The following CR1 variants were observed in gnomAD, a reference collection of about 807,000 sequenced individuals.
CR1 encodes complement receptor type 1.
Under a neutral mutation model 187.3 loss-of-function variants are expected in CR1, and 116 were observed. The ratio of observed to expected loss-of-function variants is 0.62; its 90% CI spans 0.53 to 0.72. CR1 has a LOEUF of 0.72. Among genes scored for constraint, CR1 ranks in the 30% least tolerant of loss-of-function variants. The pLI is 0.00. For synonymous variants in CR1, 576 were observed against 747.1 expected (o/e 0.77, Z 3.73); for missense variants, 1,731 against 2,110.7 (o/e 0.82, Z 3.52).
At chr1:207,512,530 A>G (rs1659656191) in intron 4 of CR1, among the ~76,000 whole-genome samples, 2 of 152,216 alleles carry the variant, frequency 1.3e-5, no homozygotes, top group Admixed American at 1.3e-4. Flanking sequence ...ACAGTGTATA[A>G]CATCTTTGTC....
intron 41 of CR1, among the ~76,000 whole-genome samples, chr1:207,617,087 G>A (rs1451002807): frequency 2.6e-5 from 4 of 152,028 alleles, no homozygotes; most frequent in Non-Finnish European, 5.9e-5. Context: ...AGTAGGGAAT[G>A]TTTTCAAAGT....
At chr1:207,596,336 G>A (rs988431289) in intron 35 of CR1, among the ~76,000 whole-genome samples, 17 of 152,034 alleles carry the variant, frequency 1.1e-4, no homozygotes, top group African/African-American at 2.9e-4. Context: ...TAAAGTGGCC[G>A]GGCGCTGTGG....
chr1:207,600,253 A>C (rs1661567370), intron 35 of CR1, among the ~76,000 whole-genome samples: 1 of 152,190 alleles, frequency 6.6e-6, no homozygotes, highest in Non-Finnish European at 1.5e-5. Context: ...CATTATGCAA[A>C]GTCAGAGAAT....
intron 45 of CR1, among the ~76,000 whole-genome samples, chr1:207,624,745 C>T (rs1443920243): frequency 6.6e-6 from 1 of 152,092 alleles, no homozygotes; most frequent in African/African-American, 2.4e-5. Context: ...GGCACTTTAC[C>T]TTAACAAAGT....
chr1:207,564,464 C>T (rs1411953968), intron 23 of CR1, among the ~76,000 whole-genome samples: 6 of 150,006 alleles, frequency 4.0e-5, no homozygotes, highest in Admixed American at 2.6e-4. Context: ...AGTTCAAAGG[C>T]AAGTATAACT....
chr1:207,566,346 T>C (rs1318413978), intron 24 of CR1, among the ~76,000 whole-genome samples: 1 of 149,918 alleles, frequency 6.7e-6, no homozygotes, highest in East Asian at 1.9e-4. Context: ...CCCATCAAAG[T>C]GCAGTCAGTC....
chr1:207,521,231 C>T (rs572258714), intron 4 of CR1, among the ~76,000 whole-genome samples: 1 of 152,214 alleles, frequency 6.6e-6, no homozygotes, highest in African/African-American at 2.4e-5. Context: ...CCCACCTCGG[C>T]CTCCCAAACT....
chr1:207,619,831 G>A (rs1187373083), intron 42 of CR1, 49 bp from the exon 43 acceptor site: 14 of 1,501,724 alleles, frequency 9.3e-6, no homozygotes, highest in Non-Finnish European at 1.3e-5. Flanking sequence ...AGTTAAAACG[G>A]ACAATCAACA....
intron 46 of CR1, 28 bp downstream of exon 46, chr1:207,630,649 T>G: frequency 6.9e-7 from 1 of 1,453,420 alleles, no homozygotes; most frequent in Non-Finnish European, 9.3e-7. Flanking sequence ...GAATTCAAAA[T>G]GTTTTCAACA....
chr1:207,641,443 T>A lies in CR1; in HGVS notation c.*2034T>A, dbSNP rs1004107831. 2 of 152,192 alleles carry A rather than the reference T, an allele frequency of 1.3e-5. No homozygotes were observed. Among genetic ancestry groups the A allele is most frequent in the African/African-American group, 4.8e-5 (2 of 41,440 alleles). 9.4% of individuals were successfully genotyped at this position (152,192 alleles called of 1,614,324 possible). On this transcript the variant is annotated 3_prime_UTR_variant, in exon 47 of 47. Transcript: ENST00000367049. ...TGCAACCTCACCTGTCACTTTTTAATTGCAAGAAAGCTGAAAGGTTTTTTT... is the reference window on the plus strand; with the variant it reads ...TGCAACCTCACCTGTCACTTTTTAAATGCAAGAAAGCTGAAAGGTTTTTTT...
Position 207,611,826 on chromosome 1 carries a change from T to A in CR1, c.6445T>A (p.Trp2149Arg), listed in dbSNP as rs1334013193. ...TCTGCACTGCACGCCCCAGGGAGAC[T>A]GGAGCCCTGAAGCCCCTAGATGTAC... Reference protein sequence around the residue: ...ASLHCTPQGDWSPEAPRCTVK... With the variant: ...ASLHCTPQGDRSPEAPRCTVK... The change falls in exon 38 of 47, where the codon TGG becomes AGG. Residue 2149 changes from tryptophan (W) to arginine (R), a missense_variant. Coordinates refer to ENST00000367049, the MANE Select transcript of CR1 (RefSeq NM_000651.6). 1 of 1,614,016 alleles carries A rather than the reference T, an allele frequency of 6.2e-7. No homozygotes were observed. The highest frequency in any genetic ancestry group is 8.5e-7 in the Non-Finnish European group (1 of 1,179,892).
chr1:207,520,825 C>G (rs189898300), intron 4 of CR1, among the ~76,000 whole-genome samples: 1 of 152,038 alleles, frequency 6.6e-6, no homozygotes, highest in Non-Finnish European at 1.5e-5. Context: ...AGTGTGGTTC[C>G]TCTGAAGGTT....
At position 207,523,609 on chromosome 1, in the gene CR1, A is replaced by G; in HGVS notation, c.488-2A>G. The G allele has an allele frequency of 6.2e-7, 1 of 1,613,814 alleles. No homozygotes were observed. The highest frequency in any genetic ancestry group is 8.5e-7 in the Non-Finnish European group (1 of 1,179,848). ...TATTTATCCTGCTCTTCCTTTTTCCAGGAATTCCTTGTGGGCTACCCCCCA... is the reference window on the plus strand; with the variant it reads ...TATTTATCCTGCTCTTCCTTTTTCCGGGAATTCCTTGTGGGCTACCCCCCA... On this transcript the variant is annotated splice_acceptor_variant, in intron 4 of 46. Transcript: ENST00000367049. LOFTEE classifies it high-confidence loss of function.
In CR1 at chr1:207,613,555, C is replaced by T. The variant is rs1233958586; in HGVS notation, c.6576-849C>T. Among the ~76,000 whole-genome samples the T allele has an allele frequency of 3.9e-5, 6 of 152,016 alleles. No homozygotes were observed. In the East Asian group the frequency reaches 7.8e-4, roughly 20 times the overall value. On this transcript the variant is annotated intron_variant, in intron 39 of 46. Coordinates refer to ENST00000367049, the MANE Select transcript of CR1 (RefSeq NM_000651.6). ...CTTCAGCTTGAAGGTCGGGTTTCACCGGGATCTGCCCCATCTGCCTAGGAT... is the reference window on the plus strand; with the variant it reads ...CTTCAGCTTGAAGGTCGGGTTTCACTGGGATCTGCCCCATCTGCCTAGGAT...
intron 37 of CR1, among the ~76,000 whole-genome samples, chr1:207,611,316 G>T (rs780749823): frequency 1.3e-5 from 2 of 152,214 alleles, no homozygotes; most frequent in South Asian, 2.1e-4. Flanking sequence ...GTTGCCTTAC[G>T]CATGAGCTTG....
intron 28 of CR1, among the ~76,000 whole-genome samples, chr1:207,577,505 C>T (rs1411039582): frequency 6.6e-6 from 1 of 152,158 alleles, no homozygotes; most frequent in Non-Finnish European, 1.5e-5. Flanking sequence ...CACGGTGGCT[C>T]ACGCTTATAA....
Position 207,630,613 on chromosome 1 carries a change from A to G in CR1, c.7449A>G (p.Glu2483=). 1 of 1,596,718 alleles carries G rather than the reference A, an allele frequency of 6.3e-7. No individual in the cohort carries two copies. The highest frequency in any genetic ancestry group is 8.5e-7 in the Non-Finnish European group (1 of 1,172,520). Residue 2483 remains glutamate, a synonymous_variant, in exon 46 of 47, where the codon GAA becomes GAG. Coordinates refer to ENST00000367049, the MANE Select transcript of CR1 (RefSeq NM_000651.6). Reference sequence around the variant, plus strand: ...CCCGAACTCTGCAAACAAATGAAGAAAATAGCAGGTACCTATATACATACT... The same window carrying G: ...CCCGAACTCTGCAAACAAATGAAGAGAATAGCAGGTACCTATATACATACT... The part of the protein sequence containing the change: ...VHPRTLQTNE[E]NSRVLP
chr1:207,522,562 A>C (rs191587591), intron 4 of CR1, among the ~76,000 whole-genome samples: 1 of 152,064 alleles, frequency 6.6e-6, no homozygotes, highest in Non-Finnish European at 1.5e-5. Context: ...CCAGCTCTCA[A>C]CTGGATTCTC....
At chr1:207,509,713 A>C (rs1337178298) in intron 3 of CR1, among the ~76,000 whole-genome samples, 1 of 152,106 alleles carries the variant, frequency 6.6e-6, no homozygotes, top group Non-Finnish European at 1.5e-5. Flanking sequence ...CAAAAAGAAC[A>C]CTTTGAGAAA....
Sources: allele counts gnomAD v4.1 joint callset (sites outside exome capture counted in the v4.1 genomes callset), GRCh38; gene constraint gnomAD v4.1.1; transcripts MANE v1.5; gene names NCBI Gene and HGNC (gene_info 2026-07-23, HGNC 2026-07-21).